The following MGAM2 variants were observed in gnomAD, a reference collection of about 807,000 sequenced individuals.
MGAM2 encodes the protein probable maltase-glucoamylase 2.
A neutral mutation model predicts 96.1 loss-of-function variants in MGAM2; 98 were observed. That is an observed-to-expected ratio of 1.02 (90% CI 0.87 to 1.21). MGAM2 has a LOEUF of 1.21. Ranked by LOEUF, MGAM2 falls within the 50% of genes most tolerant of loss-of-function variation. MGAM2 has a pLI of 0.00. For synonymous variants in MGAM2, 749 were observed against 414.8 expected (o/e 1.81, Z -9.79); for missense variants, 2,055 against 1,182.4 (o/e 1.74, Z -10.82).
At chr7:142,199,519 T>C (rs1322574322) in intron 44 of MGAM2, among the ~76,000 whole-genome samples, 1 of 152,180 alleles carries the variant, frequency 6.6e-6, no homozygotes. Flanking sequence ...GATCAGATCC[T>C]GGAGGGTGGT....
At chr7:142,167,028 C>A in intron 25 of MGAM2, among the ~76,000 whole-genome samples, 1 of 152,228 alleles carries the variant, frequency 6.6e-6, no homozygotes, top group South Asian at 2.1e-4. Flanking sequence ...CCAGTAATAC[C>A]GGATCAAGGC....
Position 142,189,497 on chromosome 7 carries a change from C to A in MGAM2, c.4338C>A (p.Pro1446=). The change falls in exon 37 of 48, where the codon CCC becomes CCA. Residue 1446 remains proline, a synonymous_variant. Transcript: ENST00000477922. The part of the protein sequence containing the change: ...HNLYGWSQTR[P]TYEAVQEVTG... The stretch of plus-strand genomic sequence containing the variant: ...TGTACGGGTGGTCCCAGACCAGACC[C>A]ACATACGAGTGAGTGTCTTTTTGTC... The A allele has an allele frequency of 1.2e-6, 1 of 831,552 alleles. No homozygotes were observed. The highest frequency in any genetic ancestry group is 1.7e-5 in the African/African-American group (1 of 58,360). The allele number at this position is 831,552 out of a possible 1,614,324, so 51.5% of individuals were successfully genotyped here. A position where few individuals can be genotyped will look rare whatever the true frequency, so the allele number is the denominator to read the frequency against.
At chr7:142,114,153 G>GGAAAGAAAGAAAGAAGGAAA in intron 1 of MGAM2, among the ~76,000 whole-genome samples, 2 of 87,038 alleles carry the variant, frequency 2.3e-5, no homozygotes, top group Non-Finnish European at 4.3e-5. Flanking sequence ...AAAGAAAGAA[G>GGAAAGAAAGAAAGAAGGAAA]GAAAGAAAGA....
intron 4 of MGAM2, 71 bp downstream of exon 4, chr7:142,131,142 A>G (rs1794874376): frequency 1.5e-6 from 1 of 676,222 alleles, no homozygotes; most frequent in Non-Finnish European, 2.7e-6. Flanking sequence ...GCAAAATAAA[A>G]TAAAAGCTAA....
At chr7:142,169,546 AC>A (rs894708293) in intron 26 of MGAM2, among the ~76,000 whole-genome samples, 2 of 152,048 alleles carry the variant, frequency 1.3e-5, no homozygotes, top group African/African-American at 4.8e-5. Context: ...AACATTTTTC[AC>A]TCCTTTTATT....
chr7:142,183,823 T>C lies in MGAM2; in HGVS notation c.3924+450T>C, dbSNP rs547056520. Among the ~76,000 whole-genome samples the C allele has an allele frequency of 2.0e-5, 3 of 152,256 alleles. No individual in the cohort carries two copies. The East Asian group carries it at 5.8e-4, about 29-fold the overall frequency. ...TCTTTATGGCTTCAATCTTCATCTT[T>C]ATATGTCTGATTTTTGGCAATAGCA... On this transcript the variant is annotated intron_variant, in intron 33 of 47. Coordinates refer to ENST00000477922, the MANE Select transcript of MGAM2 (RefSeq NM_001293626.2).
chr7:142,169,960 G>C, intron 26 of MGAM2, 115 bp from the exon 27 acceptor site: 1 of 551,820 alleles, frequency 1.8e-6, no homozygotes, highest in Non-Finnish European at 3.2e-6. Context: ...GATGTTTGAT[G>C]CCTACTGATA....
chr7:142,149,596 A>G (rs1016607891), intron 15 of MGAM2, among the ~76,000 whole-genome samples: 1 of 151,734 alleles, frequency 6.6e-6, no homozygotes, highest in South Asian at 2.1e-4. Flanking sequence ...GCTGGAGTGC[A>G]GTGGTGCGAT....
chr7:142,116,507 T>C (rs1451313745), intron 1 of MGAM2, among the ~76,000 whole-genome samples: 27 of 152,210 alleles, frequency 1.8e-4, no homozygotes, highest in Admixed American at 1.8e-3. Flanking sequence ...CTACATTAGG[T>C]GGATGTGAAG....
chr7:142,192,472 T>C (rs1418680806), intron 37 of MGAM2, among the ~76,000 whole-genome samples: 9 of 152,136 alleles, frequency 5.9e-5, no homozygotes, highest in Admixed American at 5.2e-4. Flanking sequence ...CATTGTCTAA[T>C]TATAGGAGTC....
At chr7:142,134,594 C>T (rs1019645603) in intron 7 of MGAM2, among the ~76,000 whole-genome samples, 1 of 152,048 alleles carries the variant, frequency 6.6e-6, no homozygotes, top group Admixed American at 6.5e-5. Flanking sequence ...TCAGAAACGT[C>T]AGCGTTGGCA....
intron 3 of MGAM2, among the ~76,000 whole-genome samples, chr7:142,123,295 C>T (rs1026440096): frequency 6.6e-6 from 1 of 151,346 alleles, no homozygotes; most frequent in Non-Finnish European, 1.5e-5. Context: ...TTCGGGTGAA[C>T]AGTTGGAATA....
rs2129109520 is a variant in MGAM2, at chr7:142,221,716, A to G, written c.7205A>G (p.His2402Arg). 2.4e-6 allele frequency: 1 copy of G among 414,440 alleles called. No homozygotes were observed. Among genetic ancestry groups the G allele is most frequent in the South Asian group, 1.0e-4 (1 of 9,858 alleles). The allele number at this position is 414,440 out of a possible 1,614,324, so 25.7% of individuals were successfully genotyped here. A position where few individuals can be genotyped will look rare whatever the true frequency, so the allele number is the denominator to read the frequency against. ...ACTACTACAACACTGGCCTTAAGCC[A>G]CACCTCATTAGCTCCTACAAATCTT... ...SATTTTLALS[H>R]TSLAPTNLSN... Residue 2402 changes from histidine to arginine, a missense_variant, in exon 48 of 48, where the codon CAC becomes CGC. Transcript: ENST00000477922.
chr7:142,164,663 T>C (rs1275054247), intron 23 of MGAM2, among the ~76,000 whole-genome samples, 193 bp from the exon 24 acceptor site: 1 of 152,124 alleles, frequency 6.6e-6, no homozygotes, highest in African/African-American at 2.4e-5. Flanking sequence ...AAAGATGAAA[T>C]ATTACTTAAA....
chr7:142,220,219 C>T lies in MGAM2; in HGVS notation c.5708C>T (p.Pro1903Leu), dbSNP rs1230488974. 1.0e-5 allele frequency: 7 copies of T among 702,492 alleles called. No individual in the cohort carries two copies. The highest frequency in any genetic ancestry group is 1.8e-5 in the Non-Finnish European group (7 of 384,898). The allele number at this position is 702,492 out of a possible 1,614,324, so 43.5% of individuals were successfully genotyped here. Residue 1903 changes from proline (P) to leucine (L), a missense_variant, in exon 48 of 48, where the codon CCT (proline) becomes CTT (leucine). By Grantham distance (98) the Pro-to-Leu change is moderately conservative (BLOSUM62 -3). Coordinates refer to ENST00000477922, the MANE Select transcript of MGAM2 (RefSeq NM_001293626.2). ...GCTACTGTTCCTATCACAACCACAC[C>T]TTTCCCAACAAGTACTATTGGTGTT... is the stretch of plus-strand genomic sequence containing the variant. The part of the protein sequence containing the change: ...TNATVPITTT[P>L]FPTSTIGVTT...
At chr7:142,166,822 G>A (rs1340218131) in intron 25 of MGAM2, among the ~76,000 whole-genome samples, 3 of 152,214 alleles carry the variant, frequency 2.0e-5, no homozygotes, top group Non-Finnish European at 4.4e-5. Context: ...AAACTGAGTG[G>A]CATAGAATGA....
At chr7:142,138,958 G>T (rs1304001647) in intron 10 of MGAM2, among the ~76,000 whole-genome samples, 1 of 152,132 alleles carries the variant, frequency 6.6e-6, no homozygotes, top group Non-Finnish European at 1.5e-5. Flanking sequence ...TATAGAATGA[G>T]GATGTAAGAC....
chr7:142,118,246 T>C (rs1794438471), intron 2 of MGAM2, among the ~76,000 whole-genome samples: 1 of 152,212 alleles, frequency 6.6e-6, no homozygotes, highest in Non-Finnish European at 1.5e-5. Context: ...ATAATTTATG[T>C]AAGTGGACTC....
At chr7:142,129,873 A>G (rs1382845866) in intron 3 of MGAM2, among the ~76,000 whole-genome samples, 1 of 132,010 alleles carries the variant, frequency 7.6e-6, no homozygotes, top group African/African-American at 2.8e-5. Flanking sequence ...AAAGAAATTC[A>G]GTTGTAATTG....
Sources: gnomAD v4.1 joint callset for allele counts (sites outside exome capture counted in the v4.1 genomes callset) on GRCh38, gnomAD v4.1.1 for gene constraint, MANE v1.5 for transcripts, NCBI Gene and HGNC (gene_info 2026-07-23, HGNC 2026-07-21) for gene names.